Variants in CELF4 observed in about 807,000 individuals in gnomAD.
The protein encoded by CELF4 is CUGBP Elav-like family member 4.
Under a neutral mutation model 59.9 loss-of-function variants are expected in CELF4, and 18 were observed. The observed-to-expected ratio is 0.30, with a 90% CI of 0.21 to 0.45. CELF4 has a LOEUF of 0.45. Among genes scored for constraint, CELF4 ranks in the 20% least tolerant of loss-of-function variants. CELF4 has a pLI of 1.00. For synonymous variants in CELF4, 261 were observed against 267.1 expected (o/e 0.98, Z 0.22); for missense variants, 456 against 689.0 (o/e 0.66, Z 3.79).
chr18:37,319,069 T>C (rs954830689), intron 3 of CELF4, among the ~76,000 whole-genome samples: 3 of 152,196 alleles, frequency 2.0e-5, no homozygotes, highest in Admixed American at 6.5e-5. Flanking sequence ...TGCTGGCACC[T>C]ACTATCCCAG....
At chr18:37,536,873 T>A (rs1290208406) in intron 1 of CELF4, among the ~76,000 whole-genome samples, 1 of 152,154 alleles carries the variant, frequency 6.6e-6, no homozygotes, top group Non-Finnish European at 1.5e-5. Flanking sequence ...ATGTGAGCTG[T>A]GCTCTGCGAA....
chr18:37,328,597 C>A (rs1603499117), intron 2 of CELF4, among the ~76,000 whole-genome samples: 1 of 152,242 alleles, frequency 6.6e-6, no homozygotes. Flanking sequence ...AGGAAGGCAG[C>A]TCTTACCTCC....
Position 37,565,671 on chromosome 18 carries a change from C to T in CELF4, c.-30G>A. ...AAAATCTTCTTTCCTTTTATTCTTT[C>T]TCGCTCACACTCTCTCGCTCCTCTC... On this transcript the variant is annotated 5_prime_UTR_variant, in exon 1 of 13. Coordinates refer to ENST00000420428, the MANE Select transcript of CELF4 (RefSeq NM_020180.4). 1 of 1,537,196 alleles carries T rather than the reference C, an allele frequency of 6.5e-7. No homozygotes were observed. The highest frequency in any genetic ancestry group is 8.8e-7 in the Non-Finnish European group (1 of 1,142,550).
intron 10 of CELF4, 76 bp downstream of exon 10, chr18:37,264,598 C>T (rs917693831): frequency 5.4e-6 from 7 of 1,295,208 alleles, no homozygotes; most frequent in Non-Finnish European, 6.5e-6. Flanking sequence ...CACACCCCAG[C>T]CCAAGGCCCA....
At chr18:37,332,813 G>T (rs561864669) in intron 2 of CELF4, among the ~76,000 whole-genome samples, 2 of 152,326 alleles carry the variant, frequency 1.3e-5, no homozygotes, top group African/African-American at 4.8e-5. Flanking sequence ...GCTGCTGCTG[G>T]GCTGACGTGC....
At chr18:37,383,786 A>T (rs1012841469) in intron 2 of CELF4, among the ~76,000 whole-genome samples, 16 of 152,192 alleles carry the variant, frequency 1.1e-4, no homozygotes, top group African/African-American at 3.9e-4. Context: ...TACAACTGGG[A>T]CCAGCCACAG....
intron 1 of CELF4, among the ~76,000 whole-genome samples, chr18:37,507,607 T>C (rs1302885805): frequency 6.6e-6 from 1 of 152,196 alleles, no homozygotes; most frequent in Non-Finnish European, 1.5e-5. Context: ...TCCTCCTTAG[T>C]CAAATCTCAG....
chr18:37,252,355 C>A (rs1352233901), intron 12 of CELF4, among the ~76,000 whole-genome samples: 1 of 152,172 alleles, frequency 6.6e-6, no homozygotes, highest in African/African-American at 2.4e-5. Flanking sequence ...TGCAGTAGAC[C>A]TATGCTTTGG....
intron 3 of CELF4, 119 bp downstream of exon 3, chr18:37,321,684 G>A: frequency 5.8e-6 from 4 of 692,426 alleles, no homozygotes; most frequent in South Asian, 1.9e-5. Flanking sequence ...CCTCAGCCAC[G>A]AGATCCCCAG....
At chr18:37,420,284 C>CT (rs2099569836) in intron 2 of CELF4, among the ~76,000 whole-genome samples, 1 of 152,214 alleles carries the variant, frequency 6.6e-6, no homozygotes, top group Admixed American at 6.5e-5. Context: ...CTCTACCGCT[C>CT]ACTAGCCATG....
intron 2 of CELF4, among the ~76,000 whole-genome samples, chr18:37,376,702 GC>G (rs2154567380): frequency 6.6e-6 from 1 of 152,324 alleles, no homozygotes; most frequent in Admixed American, 6.5e-5. Context: ...AGGCCCTGGG[GC>G]CCCCACAATG....
In CELF4 at chr18:37,563,199, C is replaced by T. The variant is rs1261079567; in HGVS notation, c.286+2157G>A. 2.0e-5 allele frequency among the ~76,000 whole-genome samples: 3 copies of T among 151,960 alleles called. No individual in the cohort carries two copies. In the East Asian group the frequency reaches 5.8e-4, roughly 29 times the overall value. On this transcript the variant is annotated intron_variant, in intron 1 of 12. Transcript: ENST00000420428. ...TTATATGAGAGAGTCCAAATTACAT[C>T]AGCAACAAAGTGATGATATCAGGGA...
chr18:37,416,126 C>A (rs960587687), intron 2 of CELF4, among the ~76,000 whole-genome samples: 14 of 152,148 alleles, frequency 9.2e-5, no homozygotes, highest in Admixed American at 2.6e-4. Context: ...ACCATAGACA[C>A]CAAATACACA....
chr18:37,427,714 C>A (rs993475067), intron 2 of CELF4, among the ~76,000 whole-genome samples: 5 of 152,220 alleles, frequency 3.3e-5, no homozygotes, highest in Non-Finnish European at 7.3e-5. Flanking sequence ...CTAGCTCCAG[C>A]TGCCATCTTT....
At chr18:37,371,465 C>T (rs570262868) in intron 2 of CELF4, among the ~76,000 whole-genome samples, 1 of 152,324 alleles carries the variant, frequency 6.6e-6, no homozygotes, top group African/African-American at 2.4e-5. Flanking sequence ...GGCCATCTTG[C>T]CCAGCGCCTT....
At chr18:37,425,872 G>C (rs573454355) in intron 2 of CELF4, among the ~76,000 whole-genome samples, 3 of 152,372 alleles carry the variant, frequency 2.0e-5, no homozygotes, top group Non-Finnish European at 4.4e-5. Flanking sequence ...GTCCCCAAGA[G>C]AGTTGGTTCT....
intron 2 of CELF4, among the ~76,000 whole-genome samples, chr18:37,437,977 A>G (rs1245850790): frequency 6.6e-6 from 1 of 152,176 alleles, no homozygotes; most frequent in Non-Finnish European, 1.5e-5. Context: ...TGTCCTTAAC[A>G]GAATAGAAAG....
At chr18:37,550,461 G>C (rs1008961738) in intron 1 of CELF4, among the ~76,000 whole-genome samples, 1 of 152,198 alleles carries the variant, frequency 6.6e-6, no homozygotes, top group Non-Finnish European at 1.5e-5. Flanking sequence ...GAACCAAGAA[G>C]CCCCTGCCCT....
At chr18:37,387,240 TG>T (rs2099109428) in intron 2 of CELF4, among the ~76,000 whole-genome samples, 1 of 152,156 alleles carries the variant, frequency 6.6e-6, no homozygotes. Flanking sequence ...CCATCCCGAG[TG>T]GGGGGCTGGG....
Sources: gnomAD v4.1 joint callset for allele counts (sites outside exome capture counted in the v4.1 genomes callset) on GRCh38, gnomAD v4.1.1 for gene constraint, MANE v1.5 for transcripts, NCBI Gene and HGNC (gene_info 2026-07-23, HGNC 2026-07-21) for gene names.